Variants in ZFTA observed in about 807,000 individuals in gnomAD.
The protein encoded by ZFTA is zinc finger translocation associated, also known as zinc finger translocation-associated protein.
A neutral mutation model predicts 41.8 loss-of-function variants in ZFTA; 35 were observed. The observed-to-expected ratio is 0.84, with a 90% CI of 0.64 to 1.11. The LOEUF is 1.11. Ranked by LOEUF, ZFTA falls within the 50% of genes most tolerant of loss-of-function variation. The pLI is 0.00. For synonymous variants in ZFTA, 514 were observed against 436.4 expected, an observed-to-expected ratio of 1.18 and a Z score of -2.22; for missense variants, 964 against 989.8, an observed-to-expected ratio of 0.97 and a Z score of 0.35.
rs1469915962 is a variant in ZFTA at position 63,764,090 on chromosome 11, G to A, written c.1533C>T (p.Asp511=). The change falls in exon 4 of 5, where the codon GAC becomes GAT. Residue 511 remains aspartate (D), a synonymous_variant. Coordinates refer to ENST00000433688, the MANE Select transcript of ZFTA (RefSeq NM_001144936.2). ...PIPPGTAAAS[D]EGGGDEEEEP... ...CCTCCTCCTCGTCCCCTCCCCCCTCGTCGGAGGCTGCGGCAGTGCCGGGGG... is the reference window on the plus strand; with the variant it reads ...CCTCCTCCTCGTCCCCTCCCCCCTCATCGGAGGCTGCGGCAGTGCCGGGGG... The A allele has an allele frequency of 2.2e-6, 3 of 1,341,904 alleles. No homozygotes were observed. The highest frequency in any genetic ancestry group is 1.9e-6 in the Non-Finnish European group (2 of 1,051,776). 83.1% of individuals were successfully genotyped at this position (1,341,904 alleles called of 1,614,324 possible). A position where few individuals can be genotyped will look rare whatever the true frequency, so the allele number is the denominator to read the frequency against.
Position 63,760,813 on chromosome 11 carries a change from AC to A in ZFTA, c.*2604del, listed in dbSNP as rs1457485686. On this transcript the variant is annotated 3_prime_UTR_variant, in exon 5 of 5. Transcript: ENST00000433688. ...CCCCAACCAAGTTTCTGATTCAGTAACCCTGGGGTATGGCCCAAGAATTTTT... is the reference window on the plus strand; with the variant it reads ...CCCCAACCAAGTTTCTGATTCAGTAACCTGGGGTATGGCCCAAGAATTTTT... 6.6e-6 allele frequency: 1 copy of A among 152,162 alleles called. No individual in the cohort carries two copies. Among genetic ancestry groups the A allele is most frequent in the Admixed American group, 6.5e-5 (1 of 15,274 alleles). 9.4% of individuals were successfully genotyped at this position (152,162 alleles called of 1,614,324 possible).
chr11:63,761,771 A>C lies in ZFTA; in HGVS notation c.*1647T>G, dbSNP rs2014642211. 1 of 152,160 alleles carries C rather than the reference A, an allele frequency of 6.6e-6. No individual in the cohort carries two copies. The highest frequency in any genetic ancestry group is 6.5e-5 in the Admixed American group (1 of 15,282). The allele number at this position is 152,160 out of a possible 1,614,324, so 9.4% of individuals were successfully genotyped here. A position where few individuals can be genotyped will look rare whatever the true frequency, so the allele number is the denominator to read the frequency against. On this transcript the variant is annotated 3_prime_UTR_variant, in exon 5 of 5. Transcript: ENST00000433688. ...TATAAAATCCGTGGTATAAAATCCA[A>C]CTCCCAAACAGGAAGCGTCAAGGGG...
Position 63,763,361 on chromosome 11 carries a change from G to T in ZFTA, c.*57C>A. On this transcript the variant is annotated 3_prime_UTR_variant, in exon 5 of 5. Transcript: ENST00000433688. ...CCAGCCGAAGGGCCGGGCGAGCACAGGGCGGGGCGGGGCCGATCCGACCCG... is the reference window on the plus strand; with the variant it reads ...CCAGCCGAAGGGCCGGGCGAGCACATGGCGGGGCGGGGCCGATCCGACCCG... 1 of 1,154,454 alleles carries T rather than the reference G, an allele frequency of 8.7e-7. No homozygotes were observed. Among genetic ancestry groups the T allele is most frequent in the South Asian group, 3.2e-5 (1 of 31,318 alleles). 71.5% of individuals were successfully genotyped at this position (1,154,454 alleles called of 1,614,324 possible). A position where few individuals can be genotyped will look rare whatever the true frequency, so the allele number is the denominator to read the frequency against.
chr11:63,764,201 G>A lies in ZFTA; in HGVS notation c.1422C>T (p.Ala474=), dbSNP rs960480880. ...TCTCGCTCCACTCCCGGGCGATGAG[G>A]GCCTGGACAGGCCCGCCGAGGCGCG... is the stretch of plus-strand genomic sequence containing the variant. ...GSTRLGGPVQ[A]LIAREWSEKA... is the part of the protein sequence containing the mutation. The change falls in exon 4 of 5, where the codon GCC becomes GCT. Residue 474 remains alanine, a synonymous_variant. Coordinates refer to ENST00000433688, the MANE Select transcript of ZFTA (RefSeq NM_001144936.2). 7.1e-7 allele frequency: 1 copy of A among 1,410,116 alleles called. No homozygotes were observed. The highest frequency in any genetic ancestry group is 9.1e-7 in the Non-Finnish European group (1 of 1,093,878). The allele number at this position is 1,410,116 out of a possible 1,614,324, so 87.4% of individuals were successfully genotyped here. A position where few individuals can be genotyped will look rare whatever the true frequency, so the allele number is the denominator to read the frequency against.
At position 63,765,683 on chromosome 11, in the gene ZFTA, G is replaced by C; in HGVS notation, c.637+124C>G. Reference sequence around the variant, plus strand: ...CTTTGTATAATAAGGGCAATAAACAGACCCCACCCAGAGGAGGAGCAGTGC... The same window carrying C: ...CTTTGTATAATAAGGGCAATAAACACACCCCACCCAGAGGAGGAGCAGTGC... On this transcript the variant is annotated intron_variant, in intron 2 of 4. Transcript: ENST00000433688. The surrounding 1 kb of genome is among the most constrained non-coding windows in gnomAD (Gnocchi z 4.0). 2 of 1,329,256 alleles carry C rather than the reference G, an allele frequency of 1.5e-6. No individual in the cohort carries two copies. The highest frequency in any genetic ancestry group is 2.0e-6 in the Non-Finnish European group (2 of 1,012,492). The allele number at this position is 1,329,256 out of a possible 1,614,324, so 82.3% of individuals were successfully genotyped here.
intron 1 of ZFTA, 63 bp from the exon 2 acceptor site, chr11:63,766,367 T>C: frequency 5.7e-6 from 8 of 1,404,502 alleles, no homozygotes; most frequent in Non-Finnish European, 6.5e-6. Context: ...AGGCGAGGGC[T>C]TTGATGGTGA....
rs1255043519 is a variant in ZFTA at position 63,764,961 on chromosome 11, A to T, written c.931T>A (p.Ser311Thr). ...CGCTGGGGGCCGCTGAGCCCCAGGG[A>T]GCCAGGGTGCACCTCCAGCACGTGG... is the stretch of plus-strand genomic sequence containing the variant. ...RAHVLEVHPG[S>T]LGLSGPQRSA... The change falls in exon 3 of 5, where the codon TCC becomes ACC. Residue 311 changes from serine to threonine, a missense_variant. Coordinates refer to ENST00000433688, the MANE Select transcript of ZFTA (RefSeq NM_001144936.2). 1 of 1,548,458 alleles carries T rather than the reference A, an allele frequency of 6.5e-7. No homozygotes were observed.
In ZFTA at chr11:63,765,345, G is replaced by A; in HGVS notation, c.638-91C>T. ...TCTCCCACAAGCCTCTCACTCACTTGGGCCCCAGGCCTAACCTTTGCCCTT... is the reference window on the plus strand; with the variant it reads ...TCTCCCACAAGCCTCTCACTCACTTAGGCCCCAGGCCTAACCTTTGCCCTT... On this transcript the variant is annotated intron_variant, in intron 2 of 4. Coordinates refer to ENST00000433688, the MANE Select transcript of ZFTA (RefSeq NM_001144936.2). The surrounding 1 kb of genome is among the most constrained non-coding windows in gnomAD (Gnocchi z 4.0). The A allele has an allele frequency of 7.4e-7, 1 of 1,343,108 alleles. No homozygotes were observed. The highest frequency in any genetic ancestry group is 9.7e-7 in the Non-Finnish European group (1 of 1,031,066). The allele number at this position is 1,343,108 out of a possible 1,614,324, so 83.2% of individuals were successfully genotyped here. A position where few individuals can be genotyped will look rare whatever the true frequency, so the allele number is the denominator to read the frequency against.
At chr11:63,766,450 G>GGCAGCAATAAAAGGGATT in intron 1 of ZFTA, 146 bp from the exon 2 acceptor site, 1 of 1,130,684 alleles carries the variant, frequency 8.8e-7, no homozygotes, top group Non-Finnish European at 1.2e-6. Context: ...TAAAAGGGAT[G>GGCAGCAATAAAAGGGATT]GTAGAAGTGG....
chr11:63,764,006 C>T lies in ZFTA; in HGVS notation c.1585+32G>A, dbSNP rs1316769088. On this transcript the variant is annotated intron_variant, in intron 4 of 4. Coordinates refer to ENST00000433688, the MANE Select transcript of ZFTA (RefSeq NM_001144936.2). ...TCTGCCCCAGCAACTGCCCGGCTCT[C>T]CCTCTCCGCCTGCTCTGGCCCCACC... is the stretch of plus-strand genomic sequence containing the variant. 6 of 1,305,742 alleles carry T rather than the reference C, an allele frequency of 4.6e-6. No homozygotes were observed. In the African/African-American group the frequency reaches 9.4e-5, roughly 20 times the overall value. The allele number at this position is 1,305,742 out of a possible 1,614,324, so 80.9% of individuals were successfully genotyped here.
At position 63,763,850 on chromosome 11, in the gene ZFTA, A is replaced by G. The variant is rs2014695595; in HGVS notation, c.1605T>C (p.Pro535=). 2 of 1,430,182 alleles carry G rather than the reference A, an allele frequency of 1.4e-6. No homozygotes were observed. Among genetic ancestry groups the G allele is most frequent in the Non-Finnish European group, 1.8e-6 (2 of 1,092,744 alleles). 88.6% of individuals were successfully genotyped at this position (1,430,182 alleles called of 1,614,324 possible). A position where few individuals can be genotyped will look rare whatever the true frequency, so the allele number is the denominator to read the frequency against. The change falls in exon 5 of 5, where the codon CCT becomes CCC. Residue 535 remains proline (P), a synonymous_variant. Transcript: ENST00000433688. Reference sequence around the variant, plus strand: ...CGGCGGGCCGCTCCAAGGGAGCTCCAGGGGACAGCGGAACGTCGCCTAAGG... The same window carrying G: ...CGGCGGGCCGCTCCAAGGGAGCTCCGGGGGACAGCGGAACGTCGCCTAAGG... ...EEEWGDVPLS[P]GAPLERPAEE... is the part of the protein sequence containing the mutation.
rs956257760 is a variant in ZFTA at position 63,763,530 on chromosome 11, G to A, written c.1925C>T (p.Ala642Val). 6.5e-7 allele frequency: 1 copy of A among 1,545,664 alleles called. No homozygotes were observed. Among genetic ancestry groups the A allele is most frequent in the African/African-American group, 1.4e-5 (1 of 72,652 alleles). ...GCAGCGCAGCGCCGCCTCCTCGTAG[G>A]CCTCCAGGATAGTCTGGCGCTCCTC... ...TPEERQTILE[A>V]YEEAALRCYG... is the part of the protein sequence containing the mutation. Residue 642 changes from alanine to valine, a missense_variant, in exon 5 of 5, where the codon GCC becomes GTC. Physicochemically the swap from Ala to Val is moderately conservative, Grantham distance 64. Coordinates refer to ENST00000433688, the MANE Select transcript of ZFTA (RefSeq NM_001144936.2).
Position 63,765,780 on chromosome 11 carries a change from C to T in ZFTA, c.637+27G>A, listed in dbSNP as rs1395209048. ...GCCCCACTGGCCACCCAGGCCCCTG[C>T]CTGTACAGAATCTGCATTTGCATTA... On this transcript the variant is annotated intron_variant, in intron 2 of 4. Transcript: ENST00000433688. This position sits in a 1 kb window ranked among gnomAD's most constrained non-coding sequence, Gnocchi z 4.0. 1.0e-5 allele frequency: 15 copies of T among 1,448,330 alleles called. No individual in the cohort carries two copies. The East Asian group carries it at 3.5e-4, about 34-fold the overall frequency. The allele number at this position is 1,448,330 out of a possible 1,614,324, so 89.7% of individuals were successfully genotyped here.
Position 63,766,290 on chromosome 11 carries a change from G to T in ZFTA, c.154C>A (p.Leu52Met). 2 of 1,449,844 alleles carry T rather than the reference G, an allele frequency of 1.4e-6. No individual in the cohort carries two copies. Among genetic ancestry groups the T allele is most frequent in the East Asian group, 2.6e-5 (1 of 38,288 alleles). The allele number at this position is 1,449,844 out of a possible 1,614,324, so 89.8% of individuals were successfully genotyped here. ...CAGGACCCCAAGGCACCCCCTTCCA[G>T]CTGAAGATCTTGCCCTGAAGAAGGG... Reference protein sequence around the residue: ...EEDEGGQDLQLEGGALGSWGS... With the variant: ...EEDEGGQDLQMEGGALGSWGS... Residue 52 changes from leucine (L) to methionine (M), a missense_variant, in exon 2 of 5, where the codon CTG (leucine) becomes ATG (methionine). Leu to Met is a conservative substitution (Grantham distance 15). Transcript: ENST00000433688.
chr11:63,765,298 G>C lies in ZFTA; in HGVS notation c.638-44C>G. 7.0e-7 allele frequency: 1 copy of C among 1,420,508 alleles called. No individual in the cohort carries two copies. The highest frequency in any genetic ancestry group is 9.1e-7 in the Non-Finnish European group (1 of 1,094,534). 88.0% of individuals were successfully genotyped at this position (1,420,508 alleles called of 1,614,324 possible). On this transcript the variant is annotated intron_variant, in intron 2 of 4. Transcript: ENST00000433688. This position sits in a 1 kb window ranked among gnomAD's most constrained non-coding sequence, Gnocchi z 4.0. ...AGGAACTGAGACGCTGGCCCCACGG[G>C]AGCATACCCACTACAGCCAGGTCTC...
Position 63,760,630 on chromosome 11 carries a change from A to C in ZFTA, c.*2788T>G, listed in dbSNP as rs895570709. The C allele has an allele frequency of 6.6e-6, 1 of 152,224 alleles. No homozygotes were observed. The highest frequency in any genetic ancestry group is 2.4e-5 in the African/African-American group (1 of 41,448). 9.4% of individuals were successfully genotyped at this position (152,224 alleles called of 1,614,324 possible). On this transcript the variant is annotated 3_prime_UTR_variant, in exon 5 of 5. Transcript: ENST00000433688. ...CCAAGGCAAGGAGGCACACCTAGGC[A>C]AGAGGGCCAACTCAACTTGCAACGT...
At chr11:63,766,406 G>T in intron 1 of ZFTA, 102 bp from the exon 2 acceptor site, 1 of 1,373,820 alleles carries the variant, frequency 7.3e-7, no homozygotes, top group Non-Finnish European at 9.4e-7. Flanking sequence ...GGGGGAGGGG[G>T]TGTTCCGGGG....
chr11:63,763,994 C>G, intron 4 of ZFTA, 44 bp downstream of exon 4: 1 of 1,300,516 alleles, frequency 7.7e-7, no homozygotes, highest in Non-Finnish European at 9.9e-7. Context: ...GCCCCAGCAA[C>G]TGCCCGGCTC....
chr11:63,765,949 G>A lies in ZFTA; in HGVS notation c.495C>T (p.Asn165=). The part of the protein sequence containing the change: ...WSPREKEVIS[N]SWDAHLGLGA... ...CCAGCCCCAGGTGTGCATCCCAGCT[G>A]TTGCTGATGACTTCCTTCTCCCGGG... Residue 165 remains asparagine, a synonymous_variant, in exon 2 of 5, where the codon AAC becomes AAT. Coordinates refer to ENST00000433688, the MANE Select transcript of ZFTA (RefSeq NM_001144936.2). This position sits in a 1 kb window ranked among gnomAD's most constrained non-coding sequence, Gnocchi z 4.0. 1 of 1,551,758 alleles carries A rather than the reference G, an allele frequency of 6.4e-7. No homozygotes were observed. Among genetic ancestry groups the A allele is most frequent in the South Asian group, 1.2e-5 (1 of 84,054 alleles).
Sources: gnomAD v4.1 joint callset for allele counts on GRCh38, gnomAD v4.1.1 for gene constraint, Gnocchi (gnomAD v3.1) non-coding constraint, MANE v1.5 for transcripts, NCBI Gene and HGNC (gene_info 2026-07-23, HGNC 2026-07-21) for gene names.